Variants in SLC2A9 observed in about 807,000 individuals in gnomAD.
SLC2A9 encodes the protein solute carrier family 2, facilitated glucose transporter member 9.
Under a neutral mutation model 50.6 loss-of-function variants are expected in SLC2A9, and 39 were observed. That is an observed-to-expected ratio of 0.77 (90% CI 0.60 to 1.01). SLC2A9 has a LOEUF of 1.01. Among genes scored for constraint, SLC2A9 ranks in the 50% least tolerant of loss-of-function variants. The pLI is 0.00. For synonymous variants in SLC2A9, 324 were observed against 276.9 expected, an observed-to-expected ratio of 1.17 and a Z score of -1.69; for missense variants, 686 against 677.6, an observed-to-expected ratio of 1.01 and a Z score of -0.14.
intron 10 of SLC2A9, among the ~76,000 whole-genome samples, chr4:9,858,045 ACT>A (rs1477134344): frequency 6.6e-6 from 1 of 152,182 alleles, no homozygotes; most frequent in Non-Finnish European, 1.5e-5. Context: ...GCAGTTGGTC[ACT>A]CTAATAGTAT....
rs147971317 is a variant in SLC2A9, at chr4:10,028,309, A to G, written c.-40-2303T>C. Among the ~76,000 whole-genome samples, 604 of 152,362 alleles carry G rather than the reference A, an allele frequency of 4.0e-3. 1 individual carries two copies. Among genetic ancestry groups the G allele is most frequent in the African/African-American group, 0.014 (576 of 41,584 alleles). On this transcript the variant is annotated intron_variant, in intron 1 of 12. Coordinates refer to the SLC2A9 transcript ENST00000309065. Reference sequence around the variant, plus strand: ...GAGAAAAGCCCATAAATGCGAATGCAGCACTCGAGGTCCCCTCAGAATTTC... The same window carrying G: ...GAGAAAAGCCCATAAATGCGAATGCGGCACTCGAGGTCCCCTCAGAATTTC...
At chr4:9,986,242 G>A (rs1185347357) in intron 3 of SLC2A9, among the ~76,000 whole-genome samples, 1 of 152,196 alleles carries the variant, frequency 6.6e-6, no homozygotes, top group Non-Finnish European at 1.5e-5. Flanking sequence ...TTCCCATGTG[G>A]TGCTGACACC....
intron 7 of SLC2A9, among the ~76,000 whole-genome samples, chr4:9,917,315 TTC>T (rs1743030272): frequency 6.7e-6 from 1 of 149,616 alleles, no homozygotes; most frequent in South Asian, 2.1e-4. Context: ...TTTGAATAAT[TTC>T]TTTTTTCCTT....
intron 4 of SLC2A9, among the ~76,000 whole-genome samples, chr4:9,983,066 C>G (rs1185557392): frequency 3.3e-5 from 5 of 152,132 alleles, no homozygotes; most frequent in Non-Finnish European, 7.4e-5. Flanking sequence ...CAGGGTTTCT[C>G]CATGTTGGTC....
Position 9,980,721 on chromosome 4 carries a change from CA to C in SLC2A9, c.551del (p.Val184GlyfsTer21). 4 of 1,614,142 alleles carry C rather than the reference CA, an allele frequency of 2.5e-6. No homozygotes were observed. Among genetic ancestry groups the C allele is most frequent in the Non-Finnish European group, 3.4e-6 (4 of 1,179,998 alleles). ...AGATCTCACTAAGGTACATGGGGAG[CA>C]CACTGAGGGCGACGCCTGTAGAGAG... ...MGIDGGVALS[V>X]LPMYLSEISP... is the part of the protein sequence containing the mutation. On this transcript the variant is annotated frameshift_variant, in exon 5 of 12. Coordinates refer to ENST00000264784, the MANE Select transcript of SLC2A9 (RefSeq NM_020041.3). LOFTEE classifies it high-confidence loss of function.
downstream of SLC2A9, among the ~76,000 whole-genome samples, chr4:9,776,681 C>G (rs1485056553): frequency 2.0e-5 from 3 of 152,160 alleles, no homozygotes; most frequent in Non-Finnish European, 2.9e-5. Flanking sequence ...GAGAAGGCAC[C>G]TAGATATGCT....
intron 8 of SLC2A9, among the ~76,000 whole-genome samples, chr4:9,899,395 A>G (rs1739183854): frequency 6.6e-6 from 1 of 152,264 alleles, no homozygotes. Context: ...TTCACATTCC[A>G]GTATTACTTT....
intron 3 of SLC2A9, among the ~76,000 whole-genome samples, chr4:9,995,054 T>C (rs1007166279): frequency 2.0e-5 from 3 of 152,180 alleles, no homozygotes; most frequent in African/African-American, 7.2e-5. Flanking sequence ...TAAGATCTGC[T>C]TGGCATAGTG....
intron 10 of SLC2A9, among the ~76,000 whole-genome samples, chr4:9,840,637 T>C (rs533299505): frequency 5.3e-5 from 8 of 152,300 alleles, no homozygotes; most frequent in East Asian, 1.9e-4. Context: ...GTGAAGAAGA[T>C]TGGGGCTACT....
intron 11 of SLC2A9, among the ~76,000 whole-genome samples, chr4:9,833,741 C>T (rs1352639763): frequency 6.6e-6 from 1 of 152,058 alleles, no homozygotes; most frequent in African/African-American, 2.4e-5. Context: ...AACTGAGTGT[C>T]CAGAATAGTT....
intron 10 of SLC2A9, among the ~76,000 whole-genome samples, chr4:9,837,204 C>T (rs1258113064): frequency 6.6e-6 from 1 of 152,142 alleles, no homozygotes; most frequent in African/African-American, 2.4e-5. Flanking sequence ...GTTAAATGCT[C>T]AAAAGTTGAT....
At chr4:9,783,482 C>T (rs374749357) in intron 3 of SLC2A9, 4 of 1,578,940 alleles carry the variant, frequency 2.5e-6, no homozygotes, top group Non-Finnish European at 3.4e-6. Flanking sequence ...AAGAAACCCC[C>T]TCATGGATCT....
In SLC2A9 at chr4:9,975,026, T is replaced by C. The variant is rs561391633; in HGVS notation, c.681+5566A>G. 2.6e-5 allele frequency among the ~76,000 whole-genome samples: 4 copies of C among 152,216 alleles called. No individual in the cohort carries two copies. In the East Asian group the frequency reaches 7.7e-4, roughly 29 times the overall value. On this transcript the variant is annotated intron_variant, in intron 5 of 11. Coordinates refer to ENST00000264784, the MANE Select transcript of SLC2A9 (RefSeq NM_020041.3). Reference sequence around the variant, plus strand: ...GGGAAAGGACTTCCTATTCAATAAATGGTGCTGGGATAGTTGGTTTGCCAT... The same window carrying C: ...GGGAAAGGACTTCCTATTCAATAAACGGTGCTGGGATAGTTGGTTTGCCAT...
chr4:9,777,906 G>C (rs113912804), downstream of SLC2A9, among the ~76,000 whole-genome samples: 25 of 152,292 alleles, frequency 1.6e-4, no homozygotes, highest in African/African-American at 6.0e-4. Flanking sequence ...AGGATGGAGA[G>C]GTTCAAACAT....
intron 7 of SLC2A9, among the ~76,000 whole-genome samples, chr4:9,911,492 C>T (rs1465939732): frequency 6.6e-6 from 1 of 152,174 alleles, no homozygotes; most frequent in East Asian, 1.9e-4. Context: ...CATCCTGCCC[C>T]GGAGCCCCGC....
chr4:10,003,181 C>G (rs10018666), intron 2 of SLC2A9, among the ~76,000 whole-genome samples: 1 of 151,938 alleles, frequency 6.6e-6, no homozygotes, highest in African/African-American at 2.4e-5. Flanking sequence ...CACTCTTGCA[C>G]GTGAACTTGC....
At chr4:9,962,532 A>G (rs913687404) in intron 5 of SLC2A9, among the ~76,000 whole-genome samples, 1 of 152,174 alleles carries the variant, frequency 6.6e-6, no homozygotes, top group African/African-American at 2.4e-5. Context: ...ACACACGGAC[A>G]CAGTGAGGGG....
intron 3 of SLC2A9, among the ~76,000 whole-genome samples, chr4:9,792,067 G>A (rs1719988239): frequency 6.6e-6 from 1 of 152,076 alleles, no homozygotes; most frequent in Non-Finnish European, 1.5e-5. Context: ...GTGAGTGTGA[G>A]GGACAGGATA....
chr4:9,866,123 C>T (rs957887092), intron 10 of SLC2A9, among the ~76,000 whole-genome samples: 1 of 152,084 alleles, frequency 6.6e-6, no homozygotes, highest in Non-Finnish European at 1.5e-5. Flanking sequence ...ATGCAGGGCC[C>T]GTTACTTATT....
Sources: gnomAD v4.1 joint callset for allele counts (sites outside exome capture counted in the v4.1 genomes callset) on GRCh38, gnomAD v4.1.1 for gene constraint, MANE v1.5 for transcripts, NCBI Gene and HGNC (gene_info 2026-07-23, HGNC 2026-07-21) for gene names.